The following FASTKD2 variants were observed in gnomAD, a reference collection of about 807,000 sequenced individuals.
The protein encoded by FASTKD2 is FAST kinase domain-containing protein 2, mitochondrial.
FASTKD2 carries 51 observed loss-of-function variants against 63.6 expected under a neutral mutation model. The observed-to-expected ratio is 0.80, with a 90% CI of 0.64 to 1.01. FASTKD2 has a LOEUF of 1.01. Ranked by LOEUF, FASTKD2 falls within the 50% of genes least tolerant of loss-of-function variation. FASTKD2 has a pLI of 0.00. For missense variants in FASTKD2, 786 were observed against 831.1 expected (o/e 0.95, Z 0.67); for synonymous variants, 284 against 293.4 (o/e 0.97, Z 0.33).
At chr2:206,771,342 T>A (rs748512485) in intron 4 of FASTKD2, 52 bp downstream of exon 4, 5 of 1,083,750 alleles carry the variant, frequency 4.6e-6, no homozygotes, top group Non-Finnish European at 1.4e-6. Flanking sequence ...ATCTTTCTTA[T>A]AACCTGCTAT....
chr2:206,779,055 C>T (rs1574668826), intron 7 of FASTKD2, among the ~76,000 whole-genome samples: 1 of 152,282 alleles, frequency 6.6e-6, no homozygotes, highest in South Asian at 2.1e-4. Context: ...AAGTCTCCTA[C>T]TGTTATTGTA....
rs79652942 is a variant in FASTKD2 at position 206,772,253 on chromosome 2, A to G, written c.1187A>G (p.Asn396Ser). The G allele has an allele frequency of 1.8e-3, 2,980 of 1,613,872 alleles. 39 individuals are homozygous for G. The African/African-American group carries it at 0.033, about 18-fold the overall frequency. The change falls in exon 6 of 12, where the codon AAT (asparagine) becomes AGT (serine). Residue 396 changes from asparagine to serine, a missense_variant. Physicochemically the swap from Asn to Ser is conservative, Grantham distance 46 (BLOSUM62 1). Coordinates refer to ENST00000402774, the MANE Select transcript of FASTKD2 (RefSeq NM_001136193.2). The stretch of plus-strand genomic sequence containing the variant: ...TCCTGCAAAGACCTCCAGTACCATA[A>G]TTTGGATCTCTTCAAGGGACTTGCA... ...LQSCKDLQYHNLDLFKGLADY... is the reference protein window; with the variant it reads ...LQSCKDLQYHSLDLFKGLADY...
intron 7 of FASTKD2, among the ~76,000 whole-genome samples, chr2:206,782,141 G>C (rs536890364): frequency 6.6e-6 from 1 of 152,260 alleles, no homozygotes; most frequent in African/African-American, 2.4e-5. Context: ...CCAGCCCCTA[G>C]GGCAGCACAG....
intron 7 of FASTKD2, among the ~76,000 whole-genome samples, chr2:206,785,794 C>T (rs916714278): frequency 1.3e-5 from 2 of 152,184 alleles, no homozygotes; most frequent in African/African-American, 2.4e-5. Flanking sequence ...CTCCCCAACA[C>T]TTCTTCCCCT....
intron 7 of FASTKD2, among the ~76,000 whole-genome samples, chr2:206,775,807 A>G (rs138760082): frequency 2.0e-5 from 3 of 152,018 alleles, no homozygotes; most frequent in Non-Finnish European, 4.4e-5. Context: ...GAAGCTTCAT[A>G]CTGTTTTCCA....
rs758086677 is a variant in FASTKD2, at chr2:206,786,892, G to C, written c.1587G>C (p.Leu529=). The C allele has an allele frequency of 1.4e-5, 22 of 1,532,170 alleles. No individual in the cohort carries two copies. Among genetic ancestry groups the C allele is most frequent in the South Asian group, 8.9e-5 (8 of 90,112 alleles). The allele number at this position is 1,532,170 out of a possible 1,614,324, so 94.9% of individuals were successfully genotyped here. The change falls in exon 8 of 12, where the codon CTG becomes CTC. Residue 529 remains leucine (L), a synonymous_variant. Transcript: ENST00000402774. ...LLQKDIISEL[L]TSDDMKNAYK... ...AAAAAGACATCATCAGTGAGCTGCT[G>C]ACATCAGGTAGGATGTTAGTGCAGA...
At chr2:206,784,551 G>T (rs111376124) in intron 7 of FASTKD2, among the ~76,000 whole-genome samples, 5,770 of 152,198 alleles carry the variant, frequency 0.038, 141 homozygotes, top group Non-Finnish European at 0.057. Context: ...CTGTTGTTTT[G>T]GTCCTTTGGT....
rs1410272931 is a variant in FASTKD2 at position 206,767,460 on chromosome 2, G to A, written c.767G>A (p.Arg256Lys). Residue 256 changes from arginine to lysine, a missense_variant, in exon 2 of 12, where the codon AGG becomes AAG. Coordinates refer to ENST00000402774, the MANE Select transcript of FASTKD2 (RefSeq NM_001136193.2). Reference protein sequence around the residue: ...QNTILVQTLLRVTQERINECD... With the variant: ...QNTILVQTLLKVTQERINECD... ...ACTATTTTGGTGCAGACTTTGCTGAGGGTGACCCAGGTAAAATAAAAAGGA... is the reference window on the plus strand; with the variant it reads ...ACTATTTTGGTGCAGACTTTGCTGAAGGTGACCCAGGTAAAATAAAAAGGA... The A allele has an allele frequency of 1.2e-6, 2 of 1,609,688 alleles. No homozygotes were observed. The highest frequency in any genetic ancestry group is 2.2e-5 in the South Asian group (2 of 91,064).
intron 11 of FASTKD2, chr2:206,791,234 G>A (rs947075113): frequency 2.5e-5 from 5 of 196,152 alleles, no homozygotes; most frequent in Non-Finnish European, 5.2e-5. Flanking sequence ...ATATGTTGCT[G>A]TTGGAATCTA....
At chr2:206,772,112 A>T (rs966551613) in intron 5 of FASTKD2, 69 bp from the exon 6 acceptor site, 37 of 1,592,144 alleles carry the variant, frequency 2.3e-5, no homozygotes, top group Non-Finnish European at 2.9e-5. Context: ...TATATGAAAA[A>T]AGAATAAAGC....
chr2:206,788,008 A>T lies in FASTKD2; in HGVS notation c.1666A>T (p.Arg556Trp). 3 of 1,613,742 alleles carry T rather than the reference A, an allele frequency of 1.9e-6. No individual in the cohort carries two copies. Among genetic ancestry groups the T allele is most frequent in the Non-Finnish European group, 2.5e-6 (3 of 1,179,684 alleles). The change falls in exon 9 of 12, where the codon AGG becomes TGG. Residue 556 changes from arginine (R) to tryptophan (W), a missense_variant. By Grantham distance (101) the Arg-to-Trp change is moderately radical. Coordinates refer to ENST00000402774, the MANE Select transcript of FASTKD2 (RefSeq NM_001136193.2). ...AAAACTTGATGATACTGTCTATCTG[A>T]GGGACATAGCCTTGTCACTCCCACA... The part of the protein sequence containing the change: ...CLKLDDTVYL[R>W]DIALSLPQLP...
rs954385803 is a variant in FASTKD2 at position 206,791,505 on chromosome 2, C to G, written c.2014-178C>G. 4 of 604,854 alleles carry G rather than the reference C, an allele frequency of 6.6e-6. No individual in the cohort carries two copies. In the African/African-American group the frequency reaches 7.4e-5, roughly 11 times the overall value. The allele number at this position is 604,854 out of a possible 1,614,324, so 37.5% of individuals were successfully genotyped here. Reference sequence around the variant, plus strand: ...ATTTGTATAATTTTCACAGTTAAAGCTTTCTTAAACCCTAGCATGTAGTCT... The same window carrying G: ...ATTTGTATAATTTTCACAGTTAAAGGTTTCTTAAACCCTAGCATGTAGTCT... On this transcript the variant is annotated intron_variant, in intron 11 of 11. Coordinates refer to ENST00000402774, the MANE Select transcript of FASTKD2 (RefSeq NM_001136193.2).
chr2:206,771,777 C>A, intron 4 of FASTKD2, 117 bp from the exon 5 acceptor site: 1 of 776,796 alleles, frequency 1.3e-6, no homozygotes, highest in Non-Finnish European at 2.1e-6. Context: ...TCACTTGAGC[C>A]TGGGAGGTTG....
At position 206,795,470 on chromosome 2, in the gene FASTKD2, G is replaced by C. The variant is rs186082682; in HGVS notation, c.*3668G>C. On this transcript the variant is annotated 3_prime_UTR_variant, in exon 12 of 12. Coordinates refer to ENST00000402774, the MANE Select transcript of FASTKD2 (RefSeq NM_001136193.2). ...GATGGTCTCGATCTCCTGACCTTGC[G>C]ATCTGCCCGCCTTTGGCCTTCCAAA... 2.0e-5 allele frequency among the ~76,000 whole-genome samples: 3 copies of C among 152,318 alleles called. No homozygotes were observed. Among genetic ancestry groups the C allele is most frequent in the Non-Finnish European group, 4.4e-5 (3 of 68,032 alleles).
Position 206,793,933 on chromosome 2 carries a change from T to G in FASTKD2, c.*2131T>G, listed in dbSNP as rs1690368472. On this transcript the variant is annotated 3_prime_UTR_variant, in exon 12 of 12. Transcript: ENST00000402774. ...GTTTTTTTTCTTTTAAGAATTACAGTGCTGATGAAGGTATAATGAGGCAAG... is the reference window on the plus strand; with the variant it reads ...GTTTTTTTTCTTTTAAGAATTACAGGGCTGATGAAGGTATAATGAGGCAAG... Among the ~76,000 whole-genome samples, 1 of 152,214 alleles carries G rather than the reference T, an allele frequency of 6.6e-6. No individual in the cohort carries two copies. The highest frequency in any genetic ancestry group is 2.4e-5 in the African/African-American group (1 of 41,460).
At chr2:206,772,158 G>A (rs939304491) in intron 5 of FASTKD2, 23 bp from the exon 6 acceptor site, 1 of 1,608,348 alleles carries the variant, frequency 6.2e-7, no homozygotes, top group African/African-American at 1.3e-5. Flanking sequence ...ATTTTTGTTT[G>A]TTTATTTAAC....
chr2:206,777,051 T>G (rs1689842355), intron 7 of FASTKD2, among the ~76,000 whole-genome samples: 1 of 152,136 alleles, frequency 6.6e-6, no homozygotes, highest in African/African-American at 2.4e-5. Context: ...TTTTTGATAC[T>G]ATTATAAACA....
chr2:206,774,194 TAG>T, intron 6 of FASTKD2, 29 bp from the exon 7 acceptor site: 1 of 1,506,006 alleles, frequency 6.6e-7, no homozygotes, highest in Non-Finnish European at 9.2e-7. Context: ...GTAATTATTA[TAG>T]AGTTTTCCCT....
Position 206,766,847 on chromosome 2 carries a change from A to C in FASTKD2, c.154A>C (p.Lys52Gln), listed in dbSNP as rs547620965. ...RLCCLGLCKP[K>Q]IVHSNWNILN... ...ATGTTGTTTGGGACTTTGCAAACCA[A>C]AAATAGTTCATTCAAACTGGAACAT... The change falls in exon 2 of 12, where the codon AAA becomes CAA. Residue 52 changes from lysine to glutamine, a missense_variant. Physicochemically the swap from Lys to Gln is moderately conservative, Grantham distance 53. Coordinates refer to ENST00000402774, the MANE Select transcript of FASTKD2 (RefSeq NM_001136193.2). The C allele has an allele frequency of 6.2e-7, 1 of 1,608,532 alleles. No homozygotes were observed. The highest frequency in any genetic ancestry group is 8.5e-7 in the Non-Finnish European group (1 of 1,176,944).
Sources: allele counts gnomAD v4.1 joint callset (sites outside exome capture counted in the v4.1 genomes callset), GRCh38; gene constraint gnomAD v4.1.1; transcripts MANE v1.5; gene names NCBI Gene and HGNC (gene_info 2026-07-23, HGNC 2026-07-21).